The following DAAM1 variants were observed in gnomAD, a reference collection of about 807,000 sequenced individuals.
DAAM1 encodes the protein disheveled-associated activator of morphogenesis 1.
In DAAM1, 52 loss-of-function variants were observed where a neutral mutation model predicts 130.0. That is an observed-to-expected ratio of 0.40 (90% CI 0.32 to 0.50). The LOEUF is 0.50. Among genes scored for constraint, DAAM1 ranks in the 20% least tolerant of loss-of-function variants. The pLI is 0.61. For synonymous variants in DAAM1, 452 were observed against 444.5 expected (o/e 1.02, Z -0.21); for missense variants, 1,134 against 1,303.8 (o/e 0.87, Z 2.01).
chr14:59,247,169 A>G (rs940188417), intron 1 of DAAM1, among the ~76,000 whole-genome samples: 6 of 152,118 alleles, frequency 3.9e-5, no homozygotes, highest in Admixed American at 6.5e-5. Flanking sequence ...TAAATGGTCT[A>G]GTCTCCCTTG....
chr14:59,305,153 C>G (rs1884326381), intron 3 of DAAM1, among the ~76,000 whole-genome samples: 1 of 152,206 alleles, frequency 6.6e-6, no homozygotes, highest in Admixed American at 6.5e-5. Context: ...TGTTAATTTA[C>G]AAACCAACTG....
intron 22 of DAAM1, 113 bp downstream of exon 22, chr14:59,360,975 A>C: frequency 1.2e-6 from 1 of 836,686 alleles, no homozygotes. Flanking sequence ...ATAAACATTT[A>C]TTGATTAAAA....
At chr14:59,289,264 T>G (rs1045765326) in intron 2 of DAAM1, among the ~76,000 whole-genome samples, 7 of 152,056 alleles carry the variant, frequency 4.6e-5, no homozygotes, top group Admixed American at 1.3e-4. Flanking sequence ...CACTCGCTCA[T>G]CACAAAAACA....
At chr14:59,232,694 G>A (rs1459430121) in intron 1 of DAAM1, among the ~76,000 whole-genome samples, 1 of 150,944 alleles carries the variant, frequency 6.6e-6, no homozygotes, top group Admixed American at 6.6e-5. Flanking sequence ...TGTTACATAG[G>A]TATACATGTG....
chr14:59,242,558 A>C (rs961683527), intron 1 of DAAM1, among the ~76,000 whole-genome samples: 6 of 152,124 alleles, frequency 3.9e-5, no homozygotes, highest in African/African-American at 1.4e-4. Context: ...TGTGCTGGGT[A>C]CTATTATTAT....
chr14:59,285,403 G>A (rs75555742), intron 2 of DAAM1, among the ~76,000 whole-genome samples: 9,904 of 152,116 alleles, frequency 0.065, 418 homozygotes, highest in Non-Finnish European at 0.097. Context: ...CCAGCTAACG[G>A]CACAATGAAA....
intron 15 of DAAM1, chr14:59,338,459 C>T (rs780561334): frequency 1.9e-6 from 3 of 1,602,774 alleles, no homozygotes; most frequent in Non-Finnish European, 2.6e-6. Flanking sequence ...AACTCCTTGG[C>T]TCACTGTAAG....
intron 3 of DAAM1, among the ~76,000 whole-genome samples, chr14:59,313,304 A>C (rs952276837): frequency 6.6e-6 from 1 of 152,232 alleles, no homozygotes; most frequent in Admixed American, 6.5e-5. Flanking sequence ...ACGTTAGTAC[A>C]TTTACAAGAA....
At chr14:59,220,345 C>G (rs1025700227) in intron 1 of DAAM1, among the ~76,000 whole-genome samples, 2 of 152,090 alleles carry the variant, frequency 1.3e-5, no homozygotes, top group African/African-American at 2.4e-5. Context: ...CAAACATGCT[C>G]TATGTTTGCT....
chr14:59,368,993 G>A lies in DAAM1; in HGVS notation c.*134G>A, dbSNP rs183827420. On this transcript the variant is annotated 3_prime_UTR_variant, in exon 25 of 25. Coordinates refer to ENST00000360909, the MANE Select transcript of DAAM1 (RefSeq NM_001270520.2). ...TCTGTGAGTGAATGTGTGAACGTGTGTATGTAAATGTATGTGTGTATATAT... is the reference window on the plus strand; with the variant it reads ...TCTGTGAGTGAATGTGTGAACGTGTATATGTAAATGTATGTGTGTATATAT... 4 of 688,462 alleles carry A rather than the reference G, an allele frequency of 5.8e-6. No homozygotes were observed. In the Admixed American group the frequency reaches 1.2e-4, roughly 20 times the overall value. The allele number at this position is 688,462 out of a possible 1,614,324, so 42.6% of individuals were successfully genotyped here.
intron 1 of DAAM1, among the ~76,000 whole-genome samples, chr14:59,243,765 T>C (rs1382460564): frequency 2.0e-5 from 3 of 152,286 alleles, no homozygotes; most frequent in African/African-American, 7.2e-5. Context: ...CTGTTTCATA[T>C]ATTTTGCCTG....
intron 1 of DAAM1, among the ~76,000 whole-genome samples, chr14:59,198,741 T>C (rs2139389154): frequency 6.6e-6 from 1 of 152,352 alleles, no homozygotes; most frequent in East Asian, 1.9e-4. Context: ...GTAGAGTGTT[T>C]AATCACACAT....
chr14:59,227,063 AACTG>A (rs1291118965), intron 1 of DAAM1, among the ~76,000 whole-genome samples: 4 of 152,202 alleles, frequency 2.6e-5, no homozygotes, highest in African/African-American at 9.7e-5. Flanking sequence ...TTTCCAGTAA[AACTG>A]ACTGTTTTGA....
At chr14:59,245,006 A>G (rs1483308708) in intron 1 of DAAM1, among the ~76,000 whole-genome samples, 3 of 152,108 alleles carry the variant, frequency 2.0e-5, no homozygotes, top group South Asian at 4.2e-4. Flanking sequence ...TGTGGAATGG[A>G]AAGTGGCACC....
intron 2 of DAAM1, among the ~76,000 whole-genome samples, chr14:59,289,446 A>G (rs975777332): frequency 1.3e-5 from 2 of 152,188 alleles, no homozygotes; most frequent in African/African-American, 4.8e-5. Context: ...TCATACCATC[A>G]GAATGGCTAT....
Position 59,368,528 on chromosome 14 carries a change from G to A in DAAM1, c.2998-122G>A, listed in dbSNP as rs1887014723. 7.1e-6 allele frequency: 7 copies of A among 992,210 alleles called. No homozygotes were observed. In the South Asian group the frequency reaches 1.2e-4, roughly 17 times the overall value. The allele number at this position is 992,210 out of a possible 1,614,324, so 61.5% of individuals were successfully genotyped here. ...CCCTTTCTTGTGATATCCAAAGGGG[G>A]TTATAGGATGAGCATAGCTTGGTGT... On this transcript the variant is annotated intron_variant, in intron 24 of 24. Coordinates refer to ENST00000360909, the MANE Select transcript of DAAM1 (RefSeq NM_001270520.2).
chr14:59,348,382 T>G (rs931389289), intron 17 of DAAM1, among the ~76,000 whole-genome samples: 9 of 151,850 alleles, frequency 5.9e-5, no homozygotes, highest in Admixed American at 5.9e-4. Flanking sequence ...AATAACAATG[T>G]TGTTGATCTC....
At position 59,206,361 on chromosome 14, in the gene DAAM1, C is replaced by T. The variant is rs189007085; in HGVS notation, c.-38+17593C>T. Among the ~76,000 whole-genome samples the T allele has an allele frequency of 5.9e-3, 897 of 152,080 alleles. 5 individuals carry two copies. The highest frequency in any genetic ancestry group is 0.019 in the African/African-American group (793 of 41,460). On this transcript the variant is annotated intron_variant, in intron 1 of 24. Coordinates refer to ENST00000360909, the MANE Select transcript of DAAM1 (RefSeq NM_001270520.2). ...TGCGATCTCGGCTCACTGCAAGCTCCGCCTCCCAGGTTCACGCCATTCTCC... is the reference window on the plus strand; with the variant it reads ...TGCGATCTCGGCTCACTGCAAGCTCTGCCTCCCAGGTTCACGCCATTCTCC...
At chr14:59,251,617 T>A (rs906028229) in intron 1 of DAAM1, among the ~76,000 whole-genome samples, 1 of 152,126 alleles carries the variant, frequency 6.6e-6, no homozygotes, top group African/African-American at 2.4e-5. Flanking sequence ...TTAATGCCTT[T>A]AATCATCAGA....
Sources: allele counts gnomAD v4.1 joint callset (sites outside exome capture counted in the v4.1 genomes callset), GRCh38; gene constraint gnomAD v4.1.1; transcripts MANE v1.5; gene names NCBI Gene and HGNC (gene_info 2026-07-23, HGNC 2026-07-21).